Variants in TYW1B observed in about 807,000 individuals in gnomAD.
TYW1B encodes S-adenosyl-L-methionine-dependent tRNA 4-demethylwyosine synthase TYW1B.
TYW1B carries 73 observed loss-of-function variants against 86.9 expected under a neutral mutation model. That is an observed-to-expected ratio of 0.84 (90% CI 0.70 to 1.02). The LOEUF (loss-of-function observed/expected upper bound fraction) is 1.02. TYW1B is among the 50% of genes least tolerant of loss of function. TYW1B has a pLI of 0.00. For missense variants in TYW1B, 637 were observed against 827.4 expected (o/e 0.77, Z 2.82); for synonymous variants, 248 against 292.8 (o/e 0.85, Z 1.56).
intron 2 of TYW1B, among the ~76,000 whole-genome samples, chr7:72,818,634 A>C (rs1788771144): frequency 6.6e-6 from 1 of 150,570 alleles, no homozygotes; most frequent in African/African-American, 2.4e-5. Flanking sequence ...TGGGCAATTT[A>C]TTAAAAAAAA....
At chr7:72,689,787 T>C (rs1814096698) in intron 11 of TYW1B, among the ~76,000 whole-genome samples, 1 of 152,224 alleles carries the variant, frequency 6.6e-6, no homozygotes, top group South Asian at 2.1e-4. Flanking sequence ...GAATTATAGG[T>C]ATTTCTTTCC....
chr7:72,823,515 G>T (rs532081674), intron 2 of TYW1B, among the ~76,000 whole-genome samples: 1 of 151,852 alleles, frequency 6.6e-6, no homozygotes, highest in Non-Finnish European at 1.5e-5. Context: ...AGCTACTCAG[G>T]AGGCTGAGGC....
intron 13 of TYW1B, among the ~76,000 whole-genome samples, chr7:72,584,101 C>CAGTT (rs1811218428): frequency 6.6e-6 from 1 of 152,192 alleles, no homozygotes; most frequent in Non-Finnish European, 1.5e-5. Context: ...GACTGGAGTG[C>CAGTT]AGTTGTGCAA....
intron 11 of TYW1B, among the ~76,000 whole-genome samples, chr7:72,654,602 C>T (rs1479185157): frequency 2.6e-5 from 4 of 152,294 alleles, no homozygotes; most frequent in Admixed American, 6.5e-5. Flanking sequence ...GGTTATAGGC[C>T]GGGCACGGTG....
At chr7:72,823,414 G>A (rs1554480916) in intron 2 of TYW1B, among the ~76,000 whole-genome samples, 1 of 152,010 alleles carries the variant, frequency 6.6e-6, no homozygotes, top group East Asian at 2.0e-4. Flanking sequence ...GAGGTCAGGA[G>A]TTCGAGACCA....
chr7:72,630,949 C>A (rs1358998341), intron 11 of TYW1B, among the ~76,000 whole-genome samples: 4 of 151,848 alleles, frequency 2.6e-5, no homozygotes, highest in South Asian at 2.1e-4. Context: ...TTAAAAATCC[C>A]GGGATTGCAA....
intron 9 of TYW1B, among the ~76,000 whole-genome samples, chr7:72,726,285 T>C (rs1317821082): frequency 6.6e-6 from 1 of 152,002 alleles, no homozygotes; most frequent in African/African-American, 2.4e-5. Flanking sequence ...TCAGCCTACC[T>C]ACAGATATAC....
intron 10 of TYW1B, among the ~76,000 whole-genome samples, chr7:72,709,234 T>C (rs1192141135): frequency 2.6e-5 from 4 of 152,118 alleles, no homozygotes; most frequent in Non-Finnish European, 4.4e-5. Flanking sequence ...CTTTTTGAGA[T>C]CTAAATCTAG....
chr7:72,765,792 A>C (rs1460806629), intron 7 of TYW1B, among the ~76,000 whole-genome samples: 2 of 152,162 alleles, frequency 1.3e-5, no homozygotes, highest in Non-Finnish European at 2.9e-5. Flanking sequence ...TTAAGAAACA[A>C]GCCTCATGTC....
chr7:72,602,639 C>A (rs1374854727), intron 13 of TYW1B, among the ~76,000 whole-genome samples: 2 of 152,102 alleles, frequency 1.3e-5, no homozygotes, highest in African/African-American at 4.8e-5. Context: ...AATTCAAAAA[C>A]ACGTGGCTGA....
At chr7:72,716,950 A>G (rs1227188171) in intron 9 of TYW1B, among the ~76,000 whole-genome samples, 2 of 151,756 alleles carry the variant, frequency 1.3e-5, no homozygotes, top group African/African-American at 4.8e-5. Flanking sequence ...ACAAACTCAC[A>G]AACAGGGCAG....
intron 10 of TYW1B, among the ~76,000 whole-genome samples, chr7:72,702,564 T>C (rs535685229): frequency 6.6e-6 from 1 of 152,112 alleles, no homozygotes; most frequent in South Asian, 2.1e-4. Flanking sequence ...ATTTTTATAT[T>C]TCAGTTGAGA....
At chr7:72,748,381 A>C (rs1402212621) in intron 7 of TYW1B, among the ~76,000 whole-genome samples, 1 of 152,132 alleles carries the variant, frequency 6.6e-6, no homozygotes. Context: ...GATTTTCTAC[A>C]TAACAATCAT....
At chr7:72,664,004 C>G (rs1324712919) in intron 11 of TYW1B, among the ~76,000 whole-genome samples, 2 of 151,968 alleles carry the variant, frequency 1.3e-5, no homozygotes, top group East Asian at 3.9e-4. Context: ...CATCAACTCT[C>G]TTACATCTTC....
chr7:72,741,652 A>G (rs1157128502), intron 8 of TYW1B, among the ~76,000 whole-genome samples: 2 of 152,224 alleles, frequency 1.3e-5, no homozygotes, highest in East Asian at 3.8e-4. Context: ...AACTCTAAGT[A>G]GTACAAACAC....
chr7:72,633,049 C>G (rs1402371535), intron 11 of TYW1B, among the ~76,000 whole-genome samples: 1 of 152,178 alleles, frequency 6.6e-6, no homozygotes, highest in Non-Finnish European at 1.5e-5. Flanking sequence ...CTAAGGTGAT[C>G]CCAAGATAGC....
chr7:72,715,769 A>G (rs1233509716), intron 9 of TYW1B, among the ~76,000 whole-genome samples: 1 of 152,032 alleles, frequency 6.6e-6, no homozygotes, highest in Non-Finnish European at 1.5e-5. Context: ...GAAAAAATAT[A>G]TATCACCTTG....
chr7:72,665,098 A>G (rs1585887018), intron 11 of TYW1B, among the ~76,000 whole-genome samples: 1 of 152,200 alleles, frequency 6.6e-6, no homozygotes, highest in African/African-American at 2.4e-5. Context: ...TGCTCTGCTA[A>G]AAGAACCTAT....
At position 72,807,917 on chromosome 7, in the gene TYW1B, C is replaced by T. The variant is rs189562403; in HGVS notation, c.433-561G>A. 2.5e-3 allele frequency among the ~76,000 whole-genome samples: 376 copies of T among 152,108 alleles called. 1 individual carries two copies. Among genetic ancestry groups the T allele is most frequent in the Non-Finnish European group, 3.8e-3 (257 of 68,004 alleles). ...GGCAAGGCATTAAACAAAATATTTA[C>T]ATATCTACGCCAGGCGAAGTGTCTC... On this transcript the variant is annotated intron_variant, in intron 4 of 13. Coordinates refer to ENST00000620995, the MANE Select transcript of TYW1B (RefSeq NM_001145440.3).
Sources: gnomAD v4.1 joint callset for allele counts (sites outside exome capture counted in the v4.1 genomes callset) on GRCh38, gnomAD v4.1.1 for gene constraint, MANE v1.5 for transcripts, NCBI Gene and HGNC (gene_info 2026-07-23, HGNC 2026-07-21) for gene names.